The following HERC1 variants were observed in gnomAD, a reference collection of about 807,000 sequenced individuals.
The protein encoded by HERC1 is HECT and RLD domain containing E3 ubiquitin protein ligase family member 1, also known as probable E3 ubiquitin-protein ligase HERC1.
HERC1 carries 160 observed loss-of-function variants against 554.3 expected under a neutral mutation model. The observed-to-expected ratio is 0.29, with a 90% CI of 0.25 to 0.33. The LOEUF is 0.33. HERC1 is among the 10% of genes least tolerant of loss of function. HERC1 has a pLI of 1.00. For synonymous variants in HERC1, 2,175 were observed against 2,131.7 expected, an observed-to-expected ratio of 1.02 and a Z score of -0.56; for missense variants, 4,919 against 5,918.5, an observed-to-expected ratio of 0.83 and a Z score of 5.54.
At chr15:63,610,036 T>C (rs2067520161) in intron 77 of HERC1, among the ~76,000 whole-genome samples, 2 of 152,114 alleles carry the variant, frequency 1.3e-5, no homozygotes, top group Non-Finnish European at 2.9e-5. Context: ...TTATATACGT[T>C]CCCTATCCCT....
In HERC1 at chr15:63,756,608, G is replaced by C. The variant is rs75099135; in HGVS notation, c.1362C>G (p.His454Gln). Residue 454 changes from histidine (H) to glutamine (Q), a missense_variant, in exon 5 of 78, where the codon CAC (histidine) becomes CAG (glutamine). His to Gln is a conservative substitution (Grantham distance 24). Transcript: ENST00000443617. The surrounding 1 kb of genome is among the most constrained non-coding windows in gnomAD (Gnocchi z 5.0). ...STLKKLTFEP[H>Q]RSIKKVSSSK... Reference sequence around the variant, plus strand: ...AAGATGAAACCTTTTTAATGGATCTGTGAGGCTCGAATGTTAACTTTTTTA... The same window carrying C: ...AAGATGAAACCTTTTTAATGGATCTCTGAGGCTCGAATGTTAACTTTTTTA... 6.2e-7 allele frequency: 1 copy of C among 1,613,886 alleles called. No individual in the cohort carries two copies. Among genetic ancestry groups the C allele is most frequent in the African/African-American group, 1.3e-5 (1 of 75,056 alleles).
rs984897128 is a variant in HERC1 at position 63,732,883 on chromosome 15, C to G, written c.2868+41G>C. 7 of 1,257,308 alleles carry G rather than the reference C, an allele frequency of 5.6e-6. No individual in the cohort carries two copies. The African/African-American group carries it at 8.9e-5, about 16-fold the overall frequency. 77.9% of individuals were successfully genotyped at this position (1,257,308 alleles called of 1,614,324 possible). On this transcript the variant is annotated intron_variant, in intron 14 of 77. Transcript: ENST00000443617. ...AATACCTTGACTAAAGAGATCCCTA[C>G]CCCTTTATTCTTTTTTTACTACAAT...
At chr15:63,679,258 T>C (rs1380397423) in intron 36 of HERC1, among the ~76,000 whole-genome samples, 3 of 152,224 alleles carry the variant, frequency 2.0e-5, no homozygotes, top group Non-Finnish European at 2.9e-5. Context: ...CTTTACTTCA[T>C]CTCCAGTTCA....
At position 63,655,969 on chromosome 15, in the gene HERC1, T is replaced by C; in HGVS notation, c.9871-14A>G. ...AGAAATCAAGTTCTGAAGAAGCAAT[T>C]GGAAAAACAGACTTAATTTTTACAT... On this transcript the variant is annotated splice_polypyrimidine_tract_variant and intron_variant, in intron 49 of 77. Transcript: ENST00000443617. 6.2e-7 allele frequency: 1 copy of C among 1,604,172 alleles called. No individual in the cohort carries two copies. Among genetic ancestry groups the C allele is most frequent in the Non-Finnish European group, 8.5e-7 (1 of 1,173,716 alleles).
Position 63,689,698 on chromosome 15 carries a change from A to G in HERC1, c.5939T>C (p.Ile1980Thr). The G allele has an allele frequency of 6.5e-7, 1 of 1,528,986 alleles. No individual in the cohort carries two copies. Among genetic ancestry groups the G allele is most frequent in the Non-Finnish European group, 8.9e-7 (1 of 1,127,848 alleles). The allele number at this position is 1,528,986 out of a possible 1,614,324, so 94.7% of individuals were successfully genotyped here. Residue 1980 changes from isoleucine to threonine, a missense_variant and splice_region_variant, in exon 33 of 78, where the codon ATT (isoleucine) becomes ACT (threonine). This residue lies in a region of HERC1 where 1,121 missense variants were observed against 1,244.0 expected (regional missense o/e 0.90). Transcript: ENST00000443617. Reference sequence around the variant, plus strand: ...GAGAAGGGAAAATAAGCGCTCAACAATCTGTTTTATTGAAGAAAAAAGGAT... The same window carrying G: ...GAGAAGGGAAAATAAGCGCTCAACAGTCTGTTTTATTGAAGAAAAAAGGAT... ...SGVEDDQMAQ[I>T]VERLFSLLSD...
intron 25 of HERC1, among the ~76,000 whole-genome samples, chr15:63,702,678 G>A (rs1402163643): frequency 6.6e-6 from 1 of 152,182 alleles, no homozygotes; most frequent in Non-Finnish European, 1.5e-5. Context: ...AATTAAATGA[G>A]TTACTATAAT....
intron 1 of HERC1, among the ~76,000 whole-genome samples, chr15:63,819,530 C>T (rs1190610938): frequency 2.0e-5 from 3 of 152,166 alleles, no homozygotes; most frequent in African/African-American, 7.2e-5. Context: ...TAAAGATTCA[C>T]TAATATTCAC....
rs74817108 is a variant in HERC1, at chr15:63,660,734, C to T, written c.9223+239G>A. ...TTCCCTACTTTGAAAAAAAAATACACCTAATAGAAATTAATATTCTGTGGT... is the reference window on the plus strand; with the variant it reads ...TTCCCTACTTTGAAAAAAAAATACATCTAATAGAAATTAATATTCTGTGGT... On this transcript the variant is annotated intron_variant, in intron 46 of 77. Transcript: ENST00000443617. 0.017 allele frequency among the ~76,000 whole-genome samples: 2,554 copies of T among 152,112 alleles called. 68 individuals carry two copies. The highest frequency in any genetic ancestry group is 0.059 in the African/African-American group (2,445 of 41,490).
chr15:63,779,853 A>T (rs2076232234), intron 1 of HERC1: 1 of 151,934 alleles, frequency 6.6e-6, no homozygotes, highest in Admixed American at 6.6e-5. Context: ...GTCTTTAATA[A>T]AAATACAAAA....
intron 23 of HERC1, 58 bp downstream of exon 23, chr15:63,713,295 G>T: frequency 7.2e-7 from 1 of 1,385,194 alleles, no homozygotes; most frequent in Admixed American, 1.8e-5. Flanking sequence ...CCATTTCAGT[G>T]CATAAAGTAA....
At chr15:63,688,358 A>C (rs1240368004) in intron 33 of HERC1, among the ~76,000 whole-genome samples, 1 of 152,228 alleles carries the variant, frequency 6.6e-6, no homozygotes. Context: ...AACGTGATTA[A>C]GGGTGCCATT....
rs2152692355 is a variant in HERC1 at position 63,609,106 on chromosome 15, G to T, written c.14561C>A (p.Ala4854Asp). 1.2e-6 allele frequency: 2 copies of T among 1,613,894 alleles called. No individual in the cohort carries two copies. Among genetic ancestry groups the T allele is most frequent in the East Asian group, 4.5e-5 (2 of 44,888 alleles). The change falls in exon 78 of 78, where the codon GCC (alanine) becomes GAC (aspartate). Residue 4854 changes from alanine (A) to aspartate (D), a missense_variant. By Grantham distance (126) the Ala-to-Asp change is moderately radical. Around this residue, in one of 11 missense-constraint regions of HERC1, gnomAD observed 71 missense variants for 101.4 expected, o/e 0.70. Transcript: ENST00000443617. Reference protein sequence around the residue: ...NYMLSRNVDNAEGSDTDY With the variant: ...NYMLSRNVDNDEGSDTDY ...TCAGTAGTCAGTGTCGGAGCCCTCG[G>T]CGTTGTCCACGTTTCTCGAGAGCAT...
intron 3 of HERC1, among the ~76,000 whole-genome samples, chr15:63,759,117 TA>T (rs2075525945): frequency 1.3e-5 from 2 of 152,144 alleles, no homozygotes; most frequent in African/African-American, 4.8e-5. Context: ...TACTTTTTAT[TA>T]CTTCCTTAGT....
intron 1 of HERC1, among the ~76,000 whole-genome samples, chr15:63,829,499 T>TATATATACACAC (rs1336272062): frequency 1.9e-5 from 1 of 53,370 alleles, no homozygotes; most frequent in African/African-American, 5.8e-5. Flanking sequence ...TATATATATA[T>TATATATACACAC]ACACACACAC....
Position 63,734,875 on chromosome 15 carries a change from T to C in HERC1, c.2521-26A>G. Reference sequence around the variant, plus strand: ...CTAATATCAAAAGAGAAAAGTATACTGATTGGCCTGGTTCTTAGTTTTTAA... The same window carrying C: ...CTAATATCAAAAGAGAAAAGTATACCGATTGGCCTGGTTCTTAGTTTTTAA... On this transcript the variant is annotated intron_variant, in intron 12 of 77. Transcript: ENST00000443617. This position sits in a 1 kb window ranked among gnomAD's most constrained non-coding sequence, Gnocchi z 4.6. 2 of 1,596,894 alleles carry C rather than the reference T, an allele frequency of 1.3e-6. No homozygotes were observed. The highest frequency in any genetic ancestry group is 2.3e-5 in the East Asian group (1 of 44,194).
In HERC1 at chr15:63,698,882, T is replaced by G; in HGVS notation, c.4751A>C (p.Lys1584Thr). The G allele has an allele frequency of 6.2e-7, 1 of 1,613,976 alleles. No homozygotes were observed. The change falls in exon 26 of 78, where the codon AAG becomes ACG. Residue 1584 changes from lysine (K) to threonine (T), a missense_variant. By Grantham distance (78) the Lys-to-Thr change is moderately conservative (BLOSUM62 -1). This residue lies in a region of HERC1 where 1,121 missense variants were observed against 1,244.0 expected (regional missense o/e 0.90). Coordinates refer to ENST00000443617, the MANE Select transcript of HERC1 (RefSeq NM_003922.4). Reference sequence around the variant, plus strand: ...AATCAAAGTGTGAACTCCCAAAGACTTGGTAAGATCAAAATCTGACTCAAA... The same window carrying G: ...AATCAAAGTGTGAACTCCCAAAGACGTGGTAAGATCAAAATCTGACTCAAA... ...YSFESDFDLT[K>T]SLGVHTLIEN...
intron 1 of HERC1, among the ~76,000 whole-genome samples, chr15:63,829,738 T>A (rs576269301): frequency 4.6e-5 from 7 of 151,404 alleles, no homozygotes; most frequent in Admixed American, 2.0e-4. Flanking sequence ...AGTAGTCGAC[T>A]CCAGGACTGG....
In HERC1 at chr15:63,724,068, CAAAAT is replaced by C. The variant is rs796147308; in HGVS notation, c.3569-718_3569-714del. On this transcript the variant is annotated intron_variant, in intron 18 of 77. Transcript: ENST00000443617. ...CCTTTTTCTAATACATACAAGTAAA[CAAAAT>C]AAAATTTTAATAGTTTCATGATTTT... Among the ~76,000 whole-genome samples the C allele has an allele frequency of 6.2e-4, 94 of 151,764 alleles. 2 individuals are homozygous for C. Among genetic ancestry groups the C allele is most frequent in the African/African-American group, 2.1e-3 (89 of 41,410 alleles).
At chr15:63,824,045 T>A (rs1176154110) in intron 1 of HERC1, among the ~76,000 whole-genome samples, 1 of 152,110 alleles carries the variant, frequency 6.6e-6, no homozygotes, top group African/African-American at 2.4e-5. Flanking sequence ...TCAACATCAC[T>A]AATCATCAGG....
Sources: allele counts gnomAD v4.1 joint callset (sites outside exome capture counted in the v4.1 genomes callset), GRCh38; gene constraint gnomAD v4.1.1; regional missense constraint gnomAD v4.1.1; non-coding constraint Gnocchi (gnomAD v3.1); transcripts MANE v1.5; gene names NCBI Gene and HGNC (gene_info 2026-07-23, HGNC 2026-07-21).